ADAMTS2: variants seen among roughly 807,000 people sequenced by gnomAD.
ADAMTS2 encodes A disintegrin and metalloproteinase with thrombospondin motifs 2.
In ADAMTS2, 50 loss-of-function variants were observed where a neutral mutation model predicts 123.0. That is an observed-to-expected ratio of 0.41 (90% confidence interval 0.32 to 0.51). The LOEUF (loss-of-function observed/expected upper bound fraction) is 0.51, where lower values mean the gene tolerates loss of function less well. ADAMTS2 is among the 20% of genes least tolerant of loss of function. The probability of loss-of-function intolerance (pLI) is 0.35; values close to 1 mark genes in which losing one functional copy is unlikely to be tolerated. For missense variants in ADAMTS2, 1,494 were observed against 1,705.2 expected, an observed-to-expected ratio of 0.88 and a Z score of 2.18; for synonymous variants, 678 against 695.4, an observed-to-expected ratio of 0.98 and a Z score of 0.39.
At chr5:179,211,059 G>T (rs1285900164) in intron 3 of ADAMTS2, among the ~76,000 whole-genome samples, 1 of 152,244 alleles carries the variant, frequency 6.6e-6, no homozygotes, top group Non-Finnish European at 1.5e-5. Context: ...GTCAACCTTG[G>T]CCTTGGGCCT....
chr5:179,341,166 G>A (rs1189477542), intron 2 of ADAMTS2, among the ~76,000 whole-genome samples: 5 of 152,164 alleles, frequency 3.3e-5, no homozygotes, highest in South Asian at 2.1e-4. Context: ...GAAGCCTATC[G>A]TGGTGGCAGC....
chr5:179,131,329 AAAGT>A, intron 15 of ADAMTS2, among the ~76,000 whole-genome samples: 3 of 151,150 alleles, frequency 2.0e-5, no homozygotes, highest in African/African-American at 2.4e-5. Flanking sequence ...AAAAAAAAAA[AAAGT>A]AAGAAAGAAA....
chr5:179,204,580 C>T (rs1345605825), intron 4 of ADAMTS2, among the ~76,000 whole-genome samples: 1 of 152,210 alleles, frequency 6.6e-6, no homozygotes, highest in Non-Finnish European at 1.5e-5. Context: ...CCCACTTGCT[C>T]AATGCCCCTC....
At chr5:179,323,557 C>G (rs183813660) in intron 2 of ADAMTS2, among the ~76,000 whole-genome samples, 14 of 152,246 alleles carry the variant, frequency 9.2e-5, no homozygotes, top group Admixed American at 2.0e-4. Context: ...TTAACCTGGG[C>G]TCCATAAACT....
intron 3 of ADAMTS2, among the ~76,000 whole-genome samples, chr5:179,236,313 A>G (rs1765528006): frequency 4.6e-5 from 7 of 152,106 alleles, no homozygotes; most frequent in Admixed American, 4.6e-4. Flanking sequence ...GGGAAGAGGG[A>G]CGCCAATTGT....
intron 2 of ADAMTS2, among the ~76,000 whole-genome samples, chr5:179,325,676 T>C (rs1335580182): frequency 3.9e-5 from 6 of 152,236 alleles, no homozygotes; most frequent in Admixed American, 1.3e-4. Context: ...TGGGCCTCTC[T>C]CTGCCGGGCG....
chr5:179,318,117 G>A (rs1757053683), intron 2 of ADAMTS2, among the ~76,000 whole-genome samples: 2 of 152,264 alleles, frequency 1.3e-5, no homozygotes, highest in East Asian at 3.9e-4. Context: ...GAACACAGCA[G>A]GCCAGCCCTC....
chr5:179,291,277 T>C (rs1355333965), intron 2 of ADAMTS2, among the ~76,000 whole-genome samples: 1 of 152,230 alleles, frequency 6.6e-6, no homozygotes, highest in East Asian at 1.9e-4. Flanking sequence ...CTCCGGGCTC[T>C]GGTGTTCAGG....
At chr5:179,167,179 A>G (rs72818611) in intron 5 of ADAMTS2, among the ~76,000 whole-genome samples, 19,411 of 152,114 alleles carry the variant, frequency 0.13, 1,354 homozygotes, top group East Asian at 0.16. Context: ...TGCGTCTCAG[A>G]CAACTGAAAG....
intron 5 of ADAMTS2, among the ~76,000 whole-genome samples, 175 bp from the exon 6 acceptor site, chr5:179,159,054 AG>A (rs1178977597): frequency 6.6e-6 from 1 of 152,242 alleles, no homozygotes; most frequent in Non-Finnish European, 1.5e-5. Context: ...AGTCTTTGAC[AG>A]GGAAGAAAAG....
Position 179,180,926 on chromosome 5 carries a change from G to C in ADAMTS2, c.975+146C>G, listed in dbSNP as rs1315878007. On this transcript the variant is annotated intron_variant, in intron 5 of 21. Coordinates refer to ENST00000251582, the MANE Select transcript of ADAMTS2 (RefSeq NM_014244.5). The surrounding 1 kb of genome is among the most constrained non-coding windows in gnomAD (Gnocchi z 4.6). ...AGGGGTGAAAGGGAGCAGGGATCTT[G>C]TTTCTTATAGGAACCTCAGGGGAGC... The C allele has an allele frequency of 1.5e-6, 1 of 668,692 alleles. No homozygotes were observed. The highest frequency in any genetic ancestry group is 1.8e-5 in the African/African-American group (1 of 55,900). The allele number at this position is 668,692 out of a possible 1,614,324, so 41.4% of individuals were successfully genotyped here.
At chr5:179,281,632 T>C (rs1766913248) in intron 2 of ADAMTS2, among the ~76,000 whole-genome samples, 1 of 152,238 alleles carries the variant, frequency 6.6e-6, no homozygotes, top group Admixed American at 6.5e-5. Context: ...CTCCTATGCA[T>C]AATGCTGCTA....
At chr5:179,321,780 C>T (rs1757187670) in intron 2 of ADAMTS2, among the ~76,000 whole-genome samples, 1 of 152,134 alleles carries the variant, frequency 6.6e-6, no homozygotes, top group Non-Finnish European at 1.5e-5. Flanking sequence ...CAAACCCTCT[C>T]TCCAAGCTAC....
chr5:179,320,151 A>G (rs1219880070), intron 2 of ADAMTS2, among the ~76,000 whole-genome samples: 1 of 152,174 alleles, frequency 6.6e-6, no homozygotes, highest in Non-Finnish European at 1.5e-5. Context: ...GAGGCCACGG[A>G]GGAAATTCCC....
chr5:179,132,415 G>T lies in ADAMTS2; in HGVS notation c.2210-105C>A. ...GCTCTTGAAGGCAGCTCCTCCGGAGGCTCTCCCAGGACCCTGGTATTTCTC... is the reference window on the plus strand; with the variant it reads ...GCTCTTGAAGGCAGCTCCTCCGGAGTCTCTCCCAGGACCCTGGTATTTCTC... On this transcript the variant is annotated intron_variant, in intron 14 of 21. Coordinates refer to ENST00000251582, the MANE Select transcript of ADAMTS2 (RefSeq NM_014244.5). This position sits in a 1 kb window ranked among gnomAD's most constrained non-coding sequence, Gnocchi z 6.1. 1.8e-6 allele frequency: 2 copies of T among 1,101,542 alleles called. No homozygotes were observed. Among genetic ancestry groups the T allele is most frequent in the Non-Finnish European group, 2.7e-6 (2 of 743,128 alleles). 68.2% of individuals were successfully genotyped at this position (1,101,542 alleles called of 1,614,324 possible).
At chr5:179,229,392 GCCC>G (rs1765358555) in intron 3 of ADAMTS2, among the ~76,000 whole-genome samples, 2 of 37,466 alleles carry the variant, frequency 5.3e-5, no homozygotes, top group African/African-American at 1.8e-4. Flanking sequence ...AGACCCCGCT[GCCC>G]ACTCCACAAA....
In ADAMTS2 at chr5:179,245,796, C is replaced by CAAAACAAAA. The variant is rs1561628747; in HGVS notation, c.688+27114_688+27115insTTTTGTTTT. ...AAAAAAAAAAAAAAAAAAAAAAAAA[C>CAAAACAAAA]AAAAAAAACAAAGATGGGGGTGGAA... is the stretch of plus-strand genomic sequence containing the variant. On this transcript the variant is annotated intron_variant, in intron 3 of 21. Coordinates refer to ENST00000251582, the MANE Select transcript of ADAMTS2 (RefSeq NM_014244.5). 6.7e-3 allele frequency among the ~76,000 whole-genome samples: 493 copies of CAAAACAAAA among 73,738 alleles called. 21 individuals are homozygous for CAAAACAAAA. The highest frequency in any genetic ancestry group is 9.1e-3 in the Non-Finnish European group (349 of 38,462). The allele number at this position is 73,738 out of a possible 152,430, so 48.4% of individuals were successfully genotyped here.
At chr5:179,116,432 C>T (rs1363133736) in intron 21 of ADAMTS2, among the ~76,000 whole-genome samples, 1 of 152,188 alleles carries the variant, frequency 6.6e-6, no homozygotes, top group Non-Finnish European at 1.5e-5. Context: ...CCTTCAGGGG[C>T]AGTTGGAGCA....
chr5:179,207,008 C>G (rs1370117170), intron 4 of ADAMTS2, among the ~76,000 whole-genome samples: 2 of 152,158 alleles, frequency 1.3e-5, no homozygotes, highest in Non-Finnish European at 2.9e-5. Flanking sequence ...GGCCCTCGCT[C>G]TAATGCACGT....
Sources: gnomAD v4.1 joint callset for allele counts (sites outside exome capture counted in the v4.1 genomes callset) on GRCh38, gnomAD v4.1.1 for gene constraint, Gnocchi (gnomAD v3.1) non-coding constraint, MANE v1.5 for transcripts, NCBI Gene and HGNC (gene_info 2026-07-23, HGNC 2026-07-21) for gene names.